The following HMCN1 variants were observed in gnomAD, a reference collection of about 807,000 sequenced individuals.
The protein encoded by HMCN1 is hemicentin 1.
A neutral mutation model predicts 625.9 loss-of-function variants in HMCN1; 321 were observed. That is an observed-to-expected ratio of 0.51 (90% CI 0.47 to 0.56). The LOEUF (loss-of-function observed/expected upper bound fraction) is 0.56, where lower values mean the gene tolerates loss of function less well. HMCN1 is among the 20% of genes least tolerant of loss of function. The probability of loss-of-function intolerance (pLI) is 0.00; values close to 1 mark genes in which losing one functional copy is unlikely to be tolerated. For missense variants in HMCN1, 6,588 were observed against 6,887.3 expected, an observed-to-expected ratio of 0.96 and a Z score of 1.54; for synonymous variants, 2,425 against 2,417.6, an observed-to-expected ratio of 1.00 and a Z score of -0.09.
intron 97 of HMCN1, among the ~76,000 whole-genome samples, chr1:186,158,707 G>A (rs9661710): frequency 0.053 from 8,082 of 152,188 alleles, 529 homozygotes; most frequent in African/African-American, 0.16. Context: ...TTTCCCCATT[G>A]CTTGTTTCTG....
chr1:185,888,387 C>T (rs1393934751), intron 4 of HMCN1, among the ~76,000 whole-genome samples: 1 of 144,686 alleles, frequency 6.9e-6, no homozygotes, highest in Non-Finnish European at 1.5e-5. Context: ...CTTGCCCATG[C>T]GTATGTCCTG....
At chr1:185,861,845 T>A (rs911481559) in intron 2 of HMCN1, among the ~76,000 whole-genome samples, 2 of 152,164 alleles carry the variant, frequency 1.3e-5, no homozygotes, top group Non-Finnish European at 2.9e-5. Flanking sequence ...TGTGAGATAA[T>A]AGTTTAATCT....
intron 55 of HMCN1, 79 bp from the exon 56 acceptor site, chr1:186,081,128 T>C (rs1659143552): frequency 8.1e-7 from 1 of 1,239,812 alleles, no homozygotes; most frequent in Admixed American, 1.7e-5. Context: ...TCCCAAAGTT[T>C]TTAAAGCTGT....
intron 1 of HMCN1, among the ~76,000 whole-genome samples, chr1:185,760,206 ACAAGC>A (rs1350917217): frequency 6.6e-6 from 1 of 152,204 alleles, no homozygotes; most frequent in Non-Finnish European, 1.5e-5. Context: ...AGTCCAGAAA[ACAAGC>A]CAAGTCCAAA....
intron 6 of HMCN1, among the ~76,000 whole-genome samples, chr1:185,920,881 G>A (rs1354041697): frequency 6.6e-6 from 1 of 152,094 alleles, no homozygotes; most frequent in Non-Finnish European, 1.5e-5. Context: ...AATATATGAT[G>A]TTAGTGAAAA....
chr1:186,119,247 G>A lies in HMCN1; in HGVS notation c.11905G>A (p.Ala3969Thr), dbSNP rs145955451. 1.2e-4 allele frequency: 198 copies of A among 1,613,754 alleles called. 1 individual carries two copies. Among genetic ancestry groups the A allele is most frequent in the Middle Eastern group, 8.2e-4 (5 of 6,084 alleles). ...CCATGCTGGAAGATACACTTGTGTC[G>A]CTAGGAATGCGGCTGGCTCTGCACA... ...LNHAGRYTCV[A>T]RNAAGSAHRH... The change falls in exon 78 of 107, where the codon GCT (alanine) becomes ACT (threonine). Residue 3969 changes from alanine (A) to threonine (T), a missense_variant. Ala to Thr is a moderately conservative substitution (Grantham distance 58). Around this residue, in one of 3 missense-constraint regions of HMCN1, gnomAD observed 4,628 missense variants for 4,853.1 expected, o/e 0.95. Transcript: ENST00000271588.
chr1:185,947,467 T>C (rs939192198), intron 11 of HMCN1, among the ~76,000 whole-genome samples: 2 of 152,228 alleles, frequency 1.3e-5, no homozygotes, highest in Non-Finnish European at 1.5e-5. Flanking sequence ...GAAGAAGTTT[T>C]AGGAAACTTA....
chr1:186,129,215 TTAAA>T (rs1388120563), intron 83 of HMCN1, among the ~76,000 whole-genome samples: 2 of 150,948 alleles, frequency 1.3e-5, no homozygotes, highest in East Asian at 1.9e-4. Flanking sequence ...AAAAAAAAAC[TTAAA>T]TGAGGAGAGC....
intron 1 of HMCN1, among the ~76,000 whole-genome samples, chr1:185,744,865 T>G (rs893050127): frequency 2.6e-5 from 4 of 152,122 alleles, no homozygotes; most frequent in African/African-American, 9.7e-5. Context: ...TGATTGGGTT[T>G]TTATTTTAGA....
chr1:186,019,477 C>A, intron 34 of HMCN1, 64 bp from the exon 35 acceptor site: 3 of 1,172,154 alleles, frequency 2.6e-6, no homozygotes, highest in Non-Finnish European at 2.6e-6. Flanking sequence ...TTCTTGCATA[C>A]ATATTTTTAA....
At chr1:185,826,002 A>T (rs1660488004) in intron 1 of HMCN1, among the ~76,000 whole-genome samples, 4 of 152,298 alleles carry the variant, frequency 2.6e-5, no homozygotes, top group Admixed American at 2.6e-4. Context: ...ATGAGAATTT[A>T]TTTGAGTGGG....
At chr1:186,029,854 G>T (rs1227513276) in intron 36 of HMCN1, among the ~76,000 whole-genome samples, 1 of 151,660 alleles carries the variant, frequency 6.6e-6, no homozygotes, top group Non-Finnish European at 1.5e-5. Flanking sequence ...TTTTAATATG[G>T]ATGCTTGCAG....
chr1:185,964,499 A>G (rs373602449), intron 13 of HMCN1, among the ~76,000 whole-genome samples: 73 of 152,138 alleles, frequency 4.8e-4, no homozygotes, highest in African/African-American at 1.7e-3. Context: ...ACAGTAAGAT[A>G]ATGAAACTGT....
Position 186,067,985 on chromosome 1 carries a change from C to G in HMCN1, c.7857C>G (p.Asn2619Lys), listed in dbSNP as rs755340964. ...WFKDGTPLES[N>K]RNIRILPGGR... ...AGGATGGCACTCCTTTAGAATCTAA[C>G]CGAAATATTCGTATTCTTCCAGGTA... is the stretch of plus-strand genomic sequence containing the variant. The change falls in exon 50 of 107, where the codon AAC (asparagine) becomes AAG (lysine). Residue 2619 changes from asparagine to lysine, a missense_variant. This residue lies in a region of HMCN1 where 4,628 missense variants were observed against 4,853.1 expected (regional missense o/e 0.95). Coordinates refer to ENST00000271588, the MANE Select transcript of HMCN1 (RefSeq NM_031935.3). 1 of 1,613,560 alleles carries G rather than the reference C, an allele frequency of 6.2e-7. No individual in the cohort carries two copies. The highest frequency in any genetic ancestry group is 8.5e-7 in the Non-Finnish European group (1 of 1,179,584).
chr1:185,753,079 A>G lies in HMCN1; in HGVS notation c.268+18032A>G, dbSNP rs372168678. 2.0e-4 allele frequency among the ~76,000 whole-genome samples: 31 copies of G among 152,114 alleles called. 1 individual carries two copies. The East Asian group carries it at 2.5e-3, about 12-fold the overall frequency. ...TAGATAAAGAAAAAATCATATGATC[A>G]TCTAAATAGTTACATAAATAGTATT... On this transcript the variant is annotated intron_variant, in intron 1 of 106. Coordinates refer to ENST00000271588, the MANE Select transcript of HMCN1 (RefSeq NM_031935.3).
intron 69 of HMCN1, among the ~76,000 whole-genome samples, chr1:186,106,508 G>T (rs555323660): frequency 6.6e-6 from 1 of 152,164 alleles, no homozygotes; most frequent in African/African-American, 2.4e-5. Context: ...TTATTTTCTT[G>T]AGAAAGGCTT....
intron 1 of HMCN1, among the ~76,000 whole-genome samples, chr1:185,836,334 C>T (rs1661172180): frequency 6.6e-6 from 1 of 152,042 alleles, no homozygotes; most frequent in African/African-American, 2.4e-5. Flanking sequence ...TTGTTCCAAA[C>T]ATTAATTTTT....
chr1:186,125,544 G>T (rs1248418965), intron 81 of HMCN1, 60 bp from the exon 82 acceptor site: 1 of 1,297,826 alleles, frequency 7.7e-7, no homozygotes, highest in East Asian at 2.3e-5. Flanking sequence ...AATTTTTATT[G>T]TGAATAAAGA....
At chr1:185,923,308 T>C in intron 7 of HMCN1, 82 bp from the exon 8 acceptor site, 1 of 1,083,876 alleles carries the variant, frequency 9.2e-7, no homozygotes, top group Non-Finnish European at 1.4e-6. Context: ...TACTCATATA[T>C]TATTATCATG....
Sources: allele counts gnomAD v4.1 joint callset (sites outside exome capture counted in the v4.1 genomes callset), GRCh38; gene constraint gnomAD v4.1.1; regional missense constraint gnomAD v4.1.1; transcripts MANE v1.5; gene names NCBI Gene and HGNC (gene_info 2026-07-23, HGNC 2026-07-21).